Variants in PSMF1 observed in about 807,000 individuals in gnomAD.
PSMF1 encodes the protein proteasome inhibitor subunit 1, also known as proteasome inhibitor PI31 subunit.
Under a neutral mutation model 29.3 loss-of-function variants are expected in PSMF1, and 30 were observed. The ratio of observed to expected loss-of-function variants is 1.02; its 90% CI spans 0.77 to 1.39. The LOEUF is 1.39. Ranked by LOEUF, PSMF1 falls within the 40% of genes most tolerant of loss-of-function variation. PSMF1 has a pLI of 0.00. For synonymous variants in PSMF1, 134 were observed against 139.7 expected (o/e 0.96, Z 0.29); for missense variants, 344 against 357.5 (o/e 0.96, Z 0.31).
At chr20:1,144,682 C>G (rs193095394) in intron 4 of PSMF1, among the ~76,000 whole-genome samples, 1 of 152,330 alleles carries the variant, frequency 6.6e-6, no homozygotes, top group African/African-American at 2.4e-5. Context: ...CAAAAGGTCA[C>G]ATATTGTGTG....
rs183598785 is a variant in PSMF1 at position 1,159,050 on chromosome 20, C to T, written c.552-4080C>T. The stretch of plus-strand genomic sequence containing the variant: ...CAGCCTGGGCAACAGAGTGAGACTC[C>T]GTCTCACAAAAAAAAAAAAAAGAAG... On this transcript the variant is annotated intron_variant, in intron 4 of 6. Transcript: ENST00000335877. Among the ~76,000 whole-genome samples, 494 of 140,122 alleles carry T rather than the reference C, an allele frequency of 3.5e-3. 7 individuals carry two copies. The highest frequency in any genetic ancestry group is 0.012 in the African/African-American group (453 of 37,252). 91.9% of individuals were successfully genotyped at this position (140,122 alleles called of 152,430 possible).
chr20:1,161,419 TA>T, intron 4 of PSMF1: 1 of 418,422 alleles, frequency 2.4e-6, no homozygotes. Flanking sequence ...AGCTCTATCA[TA>T]AGGTGTGATG....
intron 4 of PSMF1, among the ~76,000 whole-genome samples, chr20:1,149,696 A>G (rs1301608517): frequency 6.6e-6 from 1 of 152,240 alleles, no homozygotes; most frequent in Non-Finnish European, 1.5e-5. Flanking sequence ...CAACTGCACA[A>G]GTACTTTTCA....
At chr20:1,162,980 T>A in intron 4 of PSMF1, 150 bp from the exon 5 acceptor site, 2 of 696,996 alleles carry the variant, frequency 2.9e-6, no homozygotes, top group East Asian at 5.4e-5. Context: ...ATTATCATTG[T>A]TCATCTGAGC....
rs1346225723 is a variant in PSMF1, at chr20:1,167,426, ACAGTGTTG to A, written c.*2349_*2356del. 2 of 152,258 alleles carry A rather than the reference ACAGTGTTG, an allele frequency of 1.3e-5. No homozygotes were observed. The highest frequency in any genetic ancestry group is 2.9e-5 in the Non-Finnish European group (2 of 68,028). 9.4% of individuals were successfully genotyped at this position (152,258 alleles called of 1,614,324 possible). On this transcript the variant is annotated 3_prime_UTR_variant, in exon 7 of 7. Coordinates refer to ENST00000335877, the MANE Select transcript of PSMF1 (RefSeq NM_006814.5). ...ACAATTCAGTGGATTTAGTATGTTC[ACAGTGTTG>A]CACATCCACCACCATTTCTAATTCC...
chr20:1,159,095 G>T lies in PSMF1; in HGVS notation c.552-4035G>T, dbSNP rs565322784. On this transcript the variant is annotated intron_variant, in intron 4 of 6. Coordinates refer to ENST00000335877, the MANE Select transcript of PSMF1 (RefSeq NM_006814.5). ...AAGAAGAAGTAAATGGGTTCTAAGT[G>T]TGTAAATAATGAGGTCACAGAAGTC... Among the ~76,000 whole-genome samples, 58 of 151,934 alleles carry T rather than the reference G, an allele frequency of 3.8e-4. 2 individuals are homozygous for T. In the South Asian group the frequency reaches 0.012, roughly 31 times the overall value.
At chr20:1,143,317 A>G (rs1467521334) in intron 4 of PSMF1, among the ~76,000 whole-genome samples, 1 of 152,234 alleles carries the variant, frequency 6.6e-6, no homozygotes, top group Non-Finnish European at 1.5e-5. Flanking sequence ...AGATAAGTAG[A>G]ACAGAATAGT....
chr20:1,143,535 A>G (rs2086409797), intron 4 of PSMF1, among the ~76,000 whole-genome samples: 1 of 152,218 alleles, frequency 6.6e-6, no homozygotes. Flanking sequence ...CCTAGAAGAA[A>G]ACACAAGAGG....
rs575550221 is a variant in PSMF1 at position 1,165,406 on chromosome 20, A to G, written c.*326A>G. The G allele has an allele frequency of 4.0e-5, 48 of 1,211,224 alleles. No individual in the cohort carries two copies. In the South Asian group the frequency reaches 7.4e-4, roughly 19 times the overall value. The allele number at this position is 1,211,224 out of a possible 1,614,324, so 75.0% of individuals were successfully genotyped here. ...TATATCCTCGACCAGATGCAGTGCT[A>G]TAAGAACAGAACGCATTTTGGATGT... On this transcript the variant is annotated 3_prime_UTR_variant, in exon 7 of 7. Transcript: ENST00000335877.
At chr20:1,148,050 T>C (rs1600162784) in intron 4 of PSMF1, among the ~76,000 whole-genome samples, 1 of 152,204 alleles carries the variant, frequency 6.6e-6, no homozygotes, top group Non-Finnish European at 1.5e-5. Flanking sequence ...TTGTTTTGCC[T>C]CTCTCACACC....
intron 4 of PSMF1, among the ~76,000 whole-genome samples, chr20:1,154,272 T>C (rs2086567090): frequency 6.6e-6 from 1 of 152,242 alleles, no homozygotes; most frequent in Non-Finnish European, 1.5e-5. Flanking sequence ...ATTTTTAGCA[T>C]AATTTATGTA....
Position 1,165,168 on chromosome 20 carries a change from C to A in PSMF1, c.*88C>A. The A allele has an allele frequency of 6.2e-7, 1 of 1,607,744 alleles. No homozygotes were observed. The highest frequency in any genetic ancestry group is 8.5e-7 in the Non-Finnish European group (1 of 1,176,496). ...CCATCAGCAACCATGTTCTTGCAGG[C>A]TGGGGGCAAGGGATTCTGCTCATGT... On this transcript the variant is annotated 3_prime_UTR_variant, in exon 7 of 7. Transcript: ENST00000335877.
intron 4 of PSMF1, among the ~76,000 whole-genome samples, chr20:1,145,888 C>T (rs1389977620): frequency 6.6e-6 from 1 of 152,188 alleles, no homozygotes; most frequent in African/African-American, 2.4e-5. Flanking sequence ...CTGGAGTTTA[C>T]CCCACTTCTG....
intron 1 of PSMF1, among the ~76,000 whole-genome samples, chr20:1,119,387 AG>A (rs1231198399): frequency 1.3e-5 from 2 of 152,198 alleles, no homozygotes; most frequent in East Asian, 3.9e-4. Context: ...TGACCTACTC[AG>A]CCCCAGGCCA....
At position 1,169,636 on chromosome 20, in the gene PSMF1, G is replaced by A. The variant is rs1003042459; in HGVS notation, c.*4556G>A. ...AGAGCAGCAGGATCACATCATCATTGCTACAATCTGGGGATTAGGAACTCC... is the reference window on the plus strand; with the variant it reads ...AGAGCAGCAGGATCACATCATCATTACTACAATCTGGGGATTAGGAACTCC... On this transcript the variant is annotated 3_prime_UTR_variant, in exon 7 of 7. Transcript: ENST00000335877. Among the ~76,000 whole-genome samples the A allele has an allele frequency of 5.9e-5, 9 of 152,182 alleles. No individual in the cohort carries two copies. The highest frequency in any genetic ancestry group is 2.2e-4 in the African/African-American group (9 of 41,438).
chr20:1,157,081 G>A (rs1413118611), intron 4 of PSMF1, among the ~76,000 whole-genome samples: 1 of 152,220 alleles, frequency 6.6e-6, no homozygotes, highest in East Asian at 1.9e-4. Context: ...CGATGTTCAA[G>A]GACAGGAAGC....
At chr20:1,118,421 T>C (rs768561031), upstream of PSMF1, 64 of 213,230 alleles carry the variant, frequency 3.0e-4, no homozygotes, top group Non-Finnish European at 5.4e-4. Context: ...CTCAGCAAGG[T>C]GGCCTCTTGG....
intron 4 of PSMF1, among the ~76,000 whole-genome samples, chr20:1,150,578 A>G (rs940024940): frequency 6.6e-6 from 1 of 152,132 alleles, no homozygotes; most frequent in Non-Finnish European, 1.5e-5. Context: ...TGAAGAGGTA[A>G]TCAAATCTCT....
rs565479296 is a variant in PSMF1, at chr20:1,136,613, A to C, written c.551+1307A>C. On this transcript the variant is annotated intron_variant, in intron 4 of 6. Coordinates refer to ENST00000335877, the MANE Select transcript of PSMF1 (RefSeq NM_006814.5). ...CCTAACTATAACATAAATTAGAAAAAGAGAGTAATTGATAAGATGATGATG... is the reference window on the plus strand; with the variant it reads ...CCTAACTATAACATAAATTAGAAAACGAGAGTAATTGATAAGATGATGATG... Among the ~76,000 whole-genome samples the C allele has an allele frequency of 2.0e-5, 3 of 152,348 alleles. No homozygotes were observed. In the South Asian group the frequency reaches 6.2e-4, roughly 32 times the overall value.
Sources: allele counts gnomAD v4.1 joint callset (sites outside exome capture counted in the v4.1 genomes callset), GRCh38; gene constraint gnomAD v4.1.1; transcripts MANE v1.5; gene names NCBI Gene and HGNC (gene_info 2026-07-23, HGNC 2026-07-21).